The following RBFOX1 variants were observed in gnomAD, a reference collection of about 807,000 sequenced individuals.
RBFOX1 encodes RNA binding fox-1 homolog 1.
In RBFOX1, 8 loss-of-function variants were observed where a neutral mutation model predicts 57.7. The ratio of observed to expected loss-of-function variants is 0.14; its 90% CI spans 0.08 to 0.25. The LOEUF is 0.25. Ranked by LOEUF, RBFOX1 falls within the 10% of genes least tolerant of loss-of-function variation. The probability of loss-of-function intolerance (pLI) is 1.00; values close to 1 mark genes in which losing one functional copy is unlikely to be tolerated. For synonymous variants in RBFOX1, 326 were observed against 222.4 expected, an observed-to-expected ratio of 1.47 and a Z score of -4.15; for missense variants, 611 against 548.5, an observed-to-expected ratio of 1.11 and a Z score of -1.14.
chr16:7,025,171 T>C (rs2153681653), intron 3 of RBFOX1, among the ~76,000 whole-genome samples: 1 of 152,288 alleles, frequency 6.6e-6, no homozygotes. Context: ...CTGCCCATTT[T>C]TATGGTTATT....
intron 3 of RBFOX1, among the ~76,000 whole-genome samples, chr16:5,827,738 G>C (rs997741224): frequency 2.0e-5 from 3 of 152,016 alleles, no homozygotes; most frequent in African/African-American, 7.3e-5. Flanking sequence ...TGCTATAATG[G>C]CCATCTTCCT....
intron 2 of RBFOX1, among the ~76,000 whole-genome samples, chr16:5,578,398 G>C (rs2046541889): frequency 6.6e-6 from 1 of 152,216 alleles, no homozygotes; most frequent in African/African-American, 2.4e-5. Flanking sequence ...GGAGAAAGGA[G>C]AGGTTTGTTC....
intron 1 of RBFOX1, among the ~76,000 whole-genome samples, chr16:5,451,760 T>C (rs2068431677): frequency 6.6e-6 from 1 of 152,180 alleles, no homozygotes; most frequent in Admixed American, 6.5e-5. Context: ...CTCAGCTCAT[T>C]CATTCCGCTC....
At chr16:6,412,152 A>G (rs1031173297) in intron 2 of RBFOX1, among the ~76,000 whole-genome samples, 8 of 150,866 alleles carry the variant, frequency 5.3e-5, no homozygotes, top group Non-Finnish European at 7.4e-5. Context: ...AAACAAAAAA[A>G]CAAAAAAACA....
At chr16:7,681,848 A>T (rs2074843334) in intron 14 of RBFOX1, among the ~76,000 whole-genome samples, 1 of 152,114 alleles carries the variant, frequency 6.6e-6, no homozygotes, top group African/African-American at 2.4e-5. Context: ...TATCTGAACC[A>T]AGTTTGATAG....
chr16:7,002,990 C>G (rs144878042), intron 3 of RBFOX1, among the ~76,000 whole-genome samples: 1 of 151,352 alleles, frequency 6.6e-6, no homozygotes, highest in African/African-American at 2.4e-5. Context: ...TTATTTTCTC[C>G]AAACTATGAG....
intron 3 of RBFOX1, among the ~76,000 whole-genome samples, chr16:6,690,707 A>G (rs1360013986): frequency 6.7e-6 from 1 of 148,416 alleles, no homozygotes; most frequent in Non-Finnish European, 1.5e-5. Context: ...CAAAAACAAT[A>G]TTTCTAACTC....
chr16:6,330,386 G>A (rs544981568), intron 2 of RBFOX1, among the ~76,000 whole-genome samples: 7 of 152,266 alleles, frequency 4.6e-5, no homozygotes, highest in South Asian at 4.2e-4. Context: ...AGCAGCTCTC[G>A]TAGTACTGAG....
intron 2 of RBFOX1, among the ~76,000 whole-genome samples, chr16:5,499,329 C>G (rs1224682934): frequency 6.6e-6 from 1 of 152,160 alleles, no homozygotes; most frequent in African/African-American, 2.4e-5. Context: ...AGGTGACATT[C>G]TCTTGCTGCC....
intron 3 of RBFOX1, among the ~76,000 whole-genome samples, chr16:6,816,573 C>T (rs531159699): frequency 3.3e-5 from 5 of 151,672 alleles, no homozygotes; most frequent in Non-Finnish European, 4.4e-5. Context: ...AACCCCGTCT[C>T]TACTAAAAAT....
At chr16:5,897,610 C>T (rs1050897911) in intron 4 of RBFOX1, among the ~76,000 whole-genome samples, 1 of 152,154 alleles carries the variant, frequency 6.6e-6, no homozygotes, top group African/African-American at 2.4e-5. Context: ...TGTGGTTCAG[C>T]ACCTGGGAAA....
chr16:6,551,648 T>A (rs1476504685), intron 2 of RBFOX1, among the ~76,000 whole-genome samples: 2 of 152,182 alleles, frequency 1.3e-5, no homozygotes, highest in Admixed American at 6.5e-5. Flanking sequence ...TGTAAAAGCT[T>A]GCCTGGGAAT....
intron 3 of RBFOX1, among the ~76,000 whole-genome samples, chr16:6,836,381 C>A (rs1247205194): frequency 6.6e-6 from 1 of 152,162 alleles, no homozygotes; most frequent in East Asian, 1.9e-4. Flanking sequence ...CAGAAGCAAC[C>A]AGAAACCCCA....
intron 3 of RBFOX1, among the ~76,000 whole-genome samples, chr16:6,779,091 T>C (rs1034850109): frequency 1.3e-5 from 2 of 152,088 alleles, no homozygotes; most frequent in Non-Finnish European, 2.9e-5. Context: ...ATTGTGCTAG[T>C]GAATACTGGA....
chr16:7,519,686 C>G (rs1254236705), intron 5 of RBFOX1: 2 of 985,202 alleles, frequency 2.0e-6, no homozygotes, highest in African/African-American at 3.5e-5. Context: ...GAACCCCAAT[C>G]CTGTCGTCTG....
chr16:6,429,718 G>A (rs184026250), intron 2 of RBFOX1, among the ~76,000 whole-genome samples: 1 of 152,262 alleles, frequency 6.6e-6, no homozygotes, highest in Admixed American at 6.5e-5. Flanking sequence ...TTTATAAATG[G>A]GAATTCTCCT....
chr16:6,639,383 A>G (rs968393266), intron 2 of RBFOX1, among the ~76,000 whole-genome samples: 6 of 152,186 alleles, frequency 3.9e-5, no homozygotes, highest in Non-Finnish European at 5.9e-5. Flanking sequence ...ACTATCTATC[A>G]GCTTCCCTTC....
chr16:6,103,408 T>A (rs76065719), intron 1 of RBFOX1, among the ~76,000 whole-genome samples: 1,914 of 152,262 alleles, frequency 0.013, 19 homozygotes, highest in Middle Eastern at 0.02. Context: ...TGTATCACGG[T>A]CACACAATAA....
intron 3 of RBFOX1, chr16:6,703,908 C>G (rs548237850): frequency 1.3e-5 from 2 of 152,330 alleles, no homozygotes; most frequent in East Asian, 1.9e-4. Context: ...CTCCTCCTAT[C>G]TCATAGAAAA....
Sources: gnomAD v4.1 joint callset for allele counts (sites outside exome capture counted in the v4.1 genomes callset) on GRCh38, gnomAD v4.1.1 for gene constraint, MANE v1.5 for transcripts, NCBI Gene and HGNC (gene_info 2026-07-23, HGNC 2026-07-21) for gene names.